ANKRD44: variants seen among roughly 807,000 people sequenced by gnomAD.
ANKRD44 encodes serine/threonine-protein phosphatase 6 regulatory ankyrin repeat subunit B.
Under a neutral mutation model 116.0 loss-of-function variants are expected in ANKRD44, and 35 were observed. The observed-to-expected ratio is 0.30, with a 90% CI of 0.23 to 0.40. The LOEUF (loss-of-function observed/expected upper bound fraction) is 0.40, where lower values mean the gene tolerates loss of function less well. Ranked by LOEUF, ANKRD44 falls within the 10% of genes least tolerant of loss-of-function variation. ANKRD44 has a pLI of 1.00. For synonymous variants in ANKRD44, 435 were observed against 461.8 expected, an observed-to-expected ratio of 0.94 and a Z score of 0.74; for missense variants, 1,014 against 1,242.6, an observed-to-expected ratio of 0.82 and a Z score of 2.77.
chr2:197,109,741 A>G lies in ANKRD44; in HGVS notation c.985+1025T>C, dbSNP rs534497638. Among the ~76,000 whole-genome samples, 25 of 152,282 alleles carry G rather than the reference A, an allele frequency of 1.6e-4. No individual in the cohort carries two copies. The South Asian group carries it at 3.5e-3, about 21-fold the overall frequency. On this transcript the variant is annotated intron_variant, in intron 9 of 27. Transcript: ENST00000282272. ...AACTGCCAGATTGACCTGGAATATC[A>G]GCTTAAAATCTGAACTAAACCTGGT... is the stretch of plus-strand genomic sequence containing the variant.
At chr2:197,145,420 T>C (rs2079474887) in intron 3 of ANKRD44, among the ~76,000 whole-genome samples, 1 of 152,234 alleles carries the variant, frequency 6.6e-6, no homozygotes, top group Admixed American at 6.5e-5. Flanking sequence ...GCCTACAATT[T>C]TCCACGGGCC....
chr2:197,281,663 T>C (rs563102685), intron 1 of ANKRD44, among the ~76,000 whole-genome samples: 28 of 152,196 alleles, frequency 1.8e-4, no homozygotes, highest in Non-Finnish European at 3.1e-4. Flanking sequence ...TTGCCAACTG[T>C]ATTTTGGCAG....
intron 9 of ANKRD44, among the ~76,000 whole-genome samples, chr2:197,105,778 C>A (rs959766864): frequency 6.6e-6 from 1 of 152,158 alleles, no homozygotes; most frequent in South Asian, 2.1e-4. Context: ...GCAGCCACCT[C>A]GTCCCCACAG....
chr2:197,150,625 C>T lies in ANKRD44; in HGVS notation c.112-3520G>A, dbSNP rs190009910. On this transcript the variant is annotated intron_variant, in intron 2 of 27. Coordinates refer to ENST00000282272, the MANE Select transcript of ANKRD44 (RefSeq NM_001195144.2). The stretch of plus-strand genomic sequence containing the variant: ...GTCTAAAAACCCTTCTACTATGATC[C>T]CTAAGAAATCAGGAGGAAAATGTGA... Among the ~76,000 whole-genome samples the T allele has an allele frequency of 6.8e-3, 1,029 of 152,030 alleles. 4 individuals carry two copies. The highest frequency in any genetic ancestry group is 0.011 in the Non-Finnish European group (729 of 67,984).
rs1190339327 is a variant in ANKRD44, at chr2:197,000,340, A to T, written c.2519+79T>A. ...CCATTATTCTTTCAATTAAAAACAT[A>T]GATGTTTGGCTACTCTGCAACTGCA... On this transcript the variant is annotated intron_variant, in intron 23 of 27. Transcript: ENST00000282272. 6 of 1,064,726 alleles carry T rather than the reference A, an allele frequency of 5.6e-6. No individual in the cohort carries two copies. In the East Asian group the frequency reaches 1.2e-4, roughly 21 times the overall value. The allele number at this position is 1,064,726 out of a possible 1,614,324, so 66.0% of individuals were successfully genotyped here.
chr2:197,125,730 A>T, intron 5 of ANKRD44, 107 bp downstream of exon 5: 1 of 1,296,926 alleles, frequency 7.7e-7, no homozygotes, highest in Non-Finnish European at 1.1e-6. Flanking sequence ...TTTGGTGTAC[A>T]AATATTTTCA....
chr2:197,136,063 C>T (rs1319672681), intron 4 of ANKRD44: 2 of 162,866 alleles, frequency 1.2e-5, no homozygotes, highest in Non-Finnish European at 2.7e-5. Flanking sequence ...TCAGAGGATT[C>T]CAAGCCCTCT....
At chr2:196,968,818 T>C (rs960355874) in intron 21 of ANKRD44, among the ~76,000 whole-genome samples, 1 of 152,190 alleles carries the variant, frequency 6.6e-6, no homozygotes, top group Non-Finnish European at 1.5e-5. Flanking sequence ...ACTTTTACTA[T>C]TGTCTTTCCA....
intron 16 of ANKRD44, among the ~76,000 whole-genome samples, chr2:197,066,668 C>G (rs1232154591): frequency 6.6e-6 from 1 of 152,156 alleles, no homozygotes. Flanking sequence ...AGAGCCAAAT[C>G]ATGACTGAAC....
chr2:197,087,224 A>G (rs2077946357), intron 12 of ANKRD44, among the ~76,000 whole-genome samples: 1 of 152,228 alleles, frequency 6.6e-6, no homozygotes, highest in Non-Finnish European at 1.5e-5. Context: ...ACTCCTTAAT[A>G]GAAAATAAAA....
At chr2:197,310,256 C>A (rs1298495967) in intron 1 of ANKRD44, among the ~76,000 whole-genome samples, 1 of 150,794 alleles carries the variant, frequency 6.6e-6, no homozygotes, top group Non-Finnish European at 1.5e-5. Flanking sequence ...CGGTGCGAGT[C>A]CCGAGAGCAC....
At position 197,047,792 on chromosome 2, in the gene ANKRD44, C is replaced by T. The variant is rs181392795; in HGVS notation, c.1651-22525G>A. Among the ~76,000 whole-genome samples the T allele has an allele frequency of 2.4e-3, 362 of 152,202 alleles. 1 individual carries two copies. Among genetic ancestry groups the T allele is most frequent in the Non-Finnish European group, 3.2e-3 (219 of 67,994 alleles). Reference sequence around the variant, plus strand: ...GGGCATGGTGGTGTGTGCCTGTACTCCCAGCTACTCAGGAGGCTGAGGCAG... The same window carrying T: ...GGGCATGGTGGTGTGTGCCTGTACTTCCAGCTACTCAGGAGGCTGAGGCAG... On this transcript the variant is annotated intron_variant, in intron 16 of 27. Coordinates refer to ENST00000282272, the MANE Select transcript of ANKRD44 (RefSeq NM_001195144.2).
chr2:197,106,903 C>T (rs138640467), intron 9 of ANKRD44, among the ~76,000 whole-genome samples: 58 of 151,476 alleles, frequency 3.8e-4, no homozygotes, highest in Non-Finnish European at 6.3e-4. Context: ...ATAAACAGCA[C>T]CTCTAGATAA....
intron 8 of ANKRD44, among the ~76,000 whole-genome samples, chr2:197,118,643 GAAAGAAA>G (rs1559077737): frequency 5.0e-4 from 73 of 147,354 alleles, no homozygotes; most frequent in African/African-American, 1.6e-3. Context: ...GAGAGAGAAA[GAAAGAAA>G]GAAAGAAAGA....
At position 196,989,637 on chromosome 2, in the gene ANKRD44, T is replaced by G; in HGVS notation, c.2936A>C (p.Asn979Thr). 1 of 1,550,220 alleles carries G rather than the reference T, an allele frequency of 6.5e-7. No individual in the cohort carries two copies. The highest frequency in any genetic ancestry group is 1.7e-4 in the Middle Eastern group (1 of 5,992). Residue 979 changes from asparagine to threonine, a missense_variant, in exon 28 of 28, where the codon AAT (asparagine) becomes ACT (threonine). Physicochemically the swap from Asn to Thr is moderately conservative, Grantham distance 65. Transcript: ENST00000282272. ...LAVDENASRS[N>T]GPRSTPGTAV... ...GGTTCCAGGTGTGGAACGGGGTCCA[T>G]TTGACCTAGAAGCTTTGGCAGAGGG...
At chr2:197,246,349 G>GCTTTTTTT (rs2082190462) in intron 1 of ANKRD44, among the ~76,000 whole-genome samples, 1 of 8,942 alleles carries the variant, frequency 1.1e-4, no homozygotes, top group Non-Finnish European at 2.0e-4. Context: ...ACTACATCTG[G>GCTTTTTTT]CTTTTTTTTT....
intron 1 of ANKRD44, among the ~76,000 whole-genome samples, chr2:197,275,050 A>G (rs112324986): frequency 0.023 from 3,561 of 151,904 alleles, 128 homozygotes; most frequent in African/African-American, 0.079. Flanking sequence ...TTGAGGCTAC[A>G]GTGAGCTGTG....
chr2:197,238,169 A>G (rs973867351), intron 1 of ANKRD44, among the ~76,000 whole-genome samples: 1 of 152,146 alleles, frequency 6.6e-6, no homozygotes, highest in Non-Finnish European at 1.5e-5. Flanking sequence ...ATTAATATCC[A>G]TCTTCTACAC....
chr2:197,014,550 G>A (rs1048299678), intron 17 of ANKRD44, among the ~76,000 whole-genome samples: 1 of 152,138 alleles, frequency 6.6e-6, no homozygotes, highest in African/African-American at 2.4e-5. Context: ...CACTTTGGGA[G>A]GCCGAGACGG....
Sources: allele counts gnomAD v4.1 joint callset (sites outside exome capture counted in the v4.1 genomes callset), GRCh38; gene constraint gnomAD v4.1.1; transcripts MANE v1.5; gene names NCBI Gene and HGNC (gene_info 2026-07-23, HGNC 2026-07-21).